Variants in ANTXR1 observed in about 807,000 individuals in gnomAD.
ANTXR1 encodes the protein anthrax toxin receptor 1.
In ANTXR1, 19 loss-of-function variants were observed where a neutral mutation model predicts 78.1. That is an observed-to-expected ratio of 0.24 (90% CI 0.17 to 0.36). The LOEUF is 0.36. ANTXR1 is among the 10% of genes least tolerant of loss of function. The pLI is 1.00. For synonymous variants in ANTXR1, 273 were observed against 260.5 expected, an observed-to-expected ratio of 1.05 and a Z score of -0.46; for missense variants, 518 against 718.6, an observed-to-expected ratio of 0.72 and a Z score of 3.19.
intron 13 of ANTXR1, among the ~76,000 whole-genome samples, chr2:69,169,082 C>A (rs1352886506): frequency 6.6e-6 from 1 of 152,224 alleles, no homozygotes; most frequent in Non-Finnish European, 1.5e-5. Context: ...AATCATCAAA[C>A]CAGAGGAGAC....
At chr2:69,082,416 G>C (rs1670924030) in intron 8 of ANTXR1, among the ~76,000 whole-genome samples, 1 of 145,030 alleles carries the variant, frequency 6.9e-6, no homozygotes. Context: ...TGTAGCCCTT[G>C]AAGCCAGTAA....
intron 4 of ANTXR1, 120 bp downstream of exon 4, chr2:69,070,848 A>G (rs1387592096): frequency 2.3e-6 from 2 of 873,318 alleles, no homozygotes; most frequent in Non-Finnish European, 3.8e-6. Context: ...ATAGCAAGAG[A>G]GTACATTTTC....
At chr2:69,099,217 CT>C (rs1184543840) in intron 9 of ANTXR1, among the ~76,000 whole-genome samples, 1 of 152,124 alleles carries the variant, frequency 6.6e-6, no homozygotes, top group Non-Finnish European at 1.5e-5. Context: ...CAATATGTGG[CT>C]TTTGTGTCTT....
intron 3 of ANTXR1, among the ~76,000 whole-genome samples, chr2:69,047,278 A>T (rs1407750647): frequency 6.6e-6 from 1 of 152,228 alleles, no homozygotes. Flanking sequence ...AGATGAAAAA[A>T]TAGAATGGAA....
chr2:69,224,837 T>C (rs142968218), intron 17 of ANTXR1, among the ~76,000 whole-genome samples: 155 of 152,324 alleles, frequency 1.0e-3, no homozygotes, highest in African/African-American at 3.4e-3. Flanking sequence ...TTGCGCTTAG[T>C]CCATATTATA....
At chr2:69,198,752 C>A (rs74850832) in intron 17 of ANTXR1, among the ~76,000 whole-genome samples, 7,052 of 152,232 alleles carry the variant, frequency 0.046, 426 homozygotes, top group African/African-American at 0.13. Context: ...ACTTCCACCC[C>A]CTCGGTCTGT....
intron 8 of ANTXR1, among the ~76,000 whole-genome samples, chr2:69,083,713 A>T (rs369626302): frequency 6.6e-4 from 100 of 152,304 alleles, no homozygotes; most frequent in African/African-American, 2.2e-3. Flanking sequence ...GCACAACAAG[A>T]GGGCAGTCTG....
intron 3 of ANTXR1, among the ~76,000 whole-genome samples, chr2:69,065,490 G>A: frequency 6.6e-6 from 1 of 150,946 alleles, no homozygotes. Flanking sequence ...ATAATATCAG[G>A]AAAGGGAATA....
intron 3 of ANTXR1, among the ~76,000 whole-genome samples, chr2:69,049,474 C>T (rs1022309737): frequency 2.6e-5 from 4 of 151,964 alleles, no homozygotes; most frequent in African/African-American, 9.7e-5. Flanking sequence ...CCATGCCAGG[C>T]TAATTTTTGC....
intron 1 of ANTXR1, among the ~76,000 whole-genome samples, chr2:69,015,172 C>A (rs1670985832): frequency 1.4e-5 from 2 of 144,696 alleles, no homozygotes; most frequent in East Asian, 2.1e-4. Context: ...CAGTTTTCCC[C>A]AAATTAATTT....
chr2:69,014,361 G>C (rs1181083195), intron 1 of ANTXR1, among the ~76,000 whole-genome samples: 2 of 152,086 alleles, frequency 1.3e-5, no homozygotes, highest in Non-Finnish European at 2.9e-5. Context: ...AACTAAAAAT[G>C]CCTCCAGACA....
rs573410879 is a variant in ANTXR1 at position 69,141,994 on chromosome 2, G to T, written c.952-10175G>T. On this transcript the variant is annotated intron_variant, in intron 12 of 17. Coordinates refer to ENST00000303714, the MANE Select transcript of ANTXR1 (RefSeq NM_032208.3). ...ACATATTTGTCCCATTCTTGGAGTA[G>T]TTTTAGTGTATGTCTTTAAATTAAC... 5.3e-5 allele frequency among the ~76,000 whole-genome samples: 8 copies of T among 152,336 alleles called. No homozygotes were observed. The South Asian group carries it at 1.7e-3, about 32-fold the overall frequency.
chr2:69,070,170 T>C (rs1355744951), intron 3 of ANTXR1, among the ~76,000 whole-genome samples: 1 of 152,194 alleles, frequency 6.6e-6, no homozygotes, highest in Non-Finnish European at 1.5e-5. Flanking sequence ...CTTGGGTTTT[T>C]ATTTTCCGTT....
chr2:69,111,055 C>T (rs1417485605), intron 10 of ANTXR1, among the ~76,000 whole-genome samples: 1 of 152,132 alleles, frequency 6.6e-6, no homozygotes, highest in African/African-American at 2.4e-5. Flanking sequence ...TCATATGTCC[C>T]TGACGTAATC....
chr2:69,072,937 C>A, intron 5 of ANTXR1, 85 bp from the exon 6 acceptor site: 3 of 1,355,842 alleles, frequency 2.2e-6, no homozygotes, highest in East Asian at 2.3e-5. Context: ...TGGTTGAACT[C>A]GTAAGAGGTT....
intron 9 of ANTXR1, among the ~76,000 whole-genome samples, chr2:69,097,672 G>A (rs62133508): frequency 0.076 from 11,561 of 152,162 alleles, 575 homozygotes; most frequent in East Asian, 0.22. Context: ...GAAGAGTTTT[G>A]GTAGTTTCTT....
rs376550309 is a variant in ANTXR1, at chr2:69,153,160, T to C, written c.1047+896T>C. Among the ~76,000 whole-genome samples the C allele has an allele frequency of 8.5e-5, 13 of 152,302 alleles. No individual in the cohort carries two copies. In the East Asian group the frequency reaches 1.9e-3, roughly 23 times the overall value. On this transcript the variant is annotated intron_variant, in intron 13 of 17. Coordinates refer to ENST00000303714, the MANE Select transcript of ANTXR1 (RefSeq NM_032208.3). ...CATGGCATCTTCATTTCCTGTATTTTAGTTCTTCCATGGAAGGGCCGGCAA... is the reference window on the plus strand; with the variant it reads ...CATGGCATCTTCATTTCCTGTATTTCAGTTCTTCCATGGAAGGGCCGGCAA...
chr2:69,224,801 A>T (rs1675401114), intron 17 of ANTXR1, among the ~76,000 whole-genome samples: 1 of 152,200 alleles, frequency 6.6e-6, no homozygotes, highest in Admixed American at 6.5e-5. Flanking sequence ...TCTGTTACAA[A>T]AGTATTCCTC....
intron 17 of ANTXR1, among the ~76,000 whole-genome samples, chr2:69,240,779 C>T (rs1675876859): frequency 6.8e-6 from 1 of 147,122 alleles, no homozygotes. Context: ...TGTGTAGTCT[C>T]GAGCAAGTTA....
Sources: gnomAD v4.1 joint callset for allele counts (sites outside exome capture counted in the v4.1 genomes callset) on GRCh38, gnomAD v4.1.1 for gene constraint, MANE v1.5 for transcripts, NCBI Gene and HGNC (gene_info 2026-07-23, HGNC 2026-07-21) for gene names.